The following RBFOX1 variants were observed in gnomAD, a reference collection of about 807,000 sequenced individuals.
RBFOX1 encodes RNA binding fox-1 homolog 1, also known as RNA binding protein fox-1 homolog 1.
A neutral mutation model predicts 57.7 loss-of-function variants in RBFOX1; 8 were observed. The ratio of observed to expected loss-of-function variants is 0.14; its 90% CI spans 0.08 to 0.25. The LOEUF (loss-of-function observed/expected upper bound fraction) is 0.25, where lower values mean the gene tolerates loss of function less well. Among genes scored for constraint, RBFOX1 ranks in the 10% least tolerant of loss-of-function variants. The pLI, the probability that RBFOX1 is intolerant of heterozygous loss-of-function variation, is 1.00. For missense variants in RBFOX1, 611 were observed against 548.5 expected (o/e 1.11, Z -1.14); for synonymous variants, 326 against 222.4 (o/e 1.47, Z -4.15).
chr16:7,269,015 C>G (rs563366250), intron 4 of RBFOX1, among the ~76,000 whole-genome samples: 2 of 118,448 alleles, frequency 1.7e-5, no homozygotes, highest in Non-Finnish European at 3.2e-5. Context: ...CCAGCTTGGG[C>G]GACAGAGTGA....
At chr16:6,818,652 T>A (rs1228968783) in intron 3 of RBFOX1, among the ~76,000 whole-genome samples, 1 of 152,126 alleles carries the variant, frequency 6.6e-6, no homozygotes, top group Admixed American at 6.5e-5. Context: ...TATTATTCAT[T>A]TTTCCCCCCT....
chr16:7,219,009 A>G (rs555149542), intron 4 of RBFOX1, among the ~76,000 whole-genome samples: 96 of 152,212 alleles, frequency 6.3e-4, no homozygotes, highest in Non-Finnish European at 1.2e-3. Flanking sequence ...TGGTCACAAG[A>G]GAAGAAGAGG....
At chr16:7,034,172 C>A (rs566270491) in intron 3 of RBFOX1, among the ~76,000 whole-genome samples, 2 of 152,224 alleles carry the variant, frequency 1.3e-5, no homozygotes, top group South Asian at 4.2e-4. Flanking sequence ...TTCAAATAGC[C>A]TGGGTTTGAC....
intron 4 of RBFOX1, among the ~76,000 whole-genome samples, chr16:7,078,035 A>G (rs1310163004): frequency 2.0e-5 from 3 of 152,200 alleles, no homozygotes; most frequent in Admixed American, 6.5e-5. Flanking sequence ...CTGCTAAGAC[A>G]GACAAACACC....
intron 4 of RBFOX1, among the ~76,000 whole-genome samples, chr16:7,056,631 G>C (rs114747035): frequency 0.018 from 2,699 of 152,244 alleles, 77 homozygotes; most frequent in African/African-American, 0.061. Context: ...TACCAGTTGA[G>C]GGAGATTGTA....
intron 3 of RBFOX1, among the ~76,000 whole-genome samples, chr16:6,923,741 A>G (rs745579210): frequency 6.6e-6 from 1 of 152,116 alleles, no homozygotes; most frequent in African/African-American, 2.4e-5. Context: ...GTGGTCAGGA[A>G]CACAGATATC....
chr16:7,647,838 G>A (rs2064059362), intron 11 of RBFOX1, among the ~76,000 whole-genome samples: 1 of 152,160 alleles, frequency 6.6e-6, no homozygotes, highest in Non-Finnish European at 1.5e-5. Context: ...TCTGGATCCA[G>A]ACATCTAAAC....
chr16:5,471,689 G>T (rs1017233628), intron 2 of RBFOX1, among the ~76,000 whole-genome samples: 1 of 152,180 alleles, frequency 6.6e-6, no homozygotes, highest in African/African-American at 2.4e-5. Flanking sequence ...TAAAGCACTC[G>T]TGGGACCTCG....
intron 3 of RBFOX1, among the ~76,000 whole-genome samples, chr16:6,690,953 C>G (rs971011267): frequency 6.6e-6 from 1 of 152,002 alleles, no homozygotes; most frequent in Non-Finnish European, 1.5e-5. Flanking sequence ...ATGAGGTTGG[C>G]TGGGCATCAT....
At chr16:6,667,765 T>C (rs532515594) in intron 3 of RBFOX1, among the ~76,000 whole-genome samples, 8 of 152,068 alleles carry the variant, frequency 5.3e-5, no homozygotes, top group Non-Finnish European at 1.0e-4. Context: ...GGTGCGTGCC[T>C]GTAGTCCCAG....
chr16:6,028,628 C>T lies in RBFOX1; in HGVS notation c.-127+8636C>T, dbSNP rs116211814. Among the ~76,000 whole-genome samples, 988 of 151,690 alleles carry T rather than the reference C, an allele frequency of 6.5e-3. 11 individuals carry two copies. Among genetic ancestry groups the T allele is most frequent in the African/African-American group, 0.022 (909 of 41,366 alleles). ...TCTGGGAGTTTAAGGCTGCTATGAG[C>T]TGTAATTGTGCCACTGCACTCCATC... On this transcript the variant is annotated intron_variant, in intron 1 of 15. Transcript: ENST00000550418.
intron 3 of RBFOX1, among the ~76,000 whole-genome samples, chr16:5,614,315 C>T (rs944482445): frequency 1.8e-4 from 27 of 152,142 alleles, no homozygotes; most frequent in South Asian, 6.2e-4. Context: ...CTGGGGACTA[C>T]GCAGGAGGGC....
intron 1 of RBFOX1, among the ~76,000 whole-genome samples, chr16:6,074,096 C>T (rs1286358129): frequency 6.6e-6 from 1 of 152,044 alleles, no homozygotes; most frequent in African/African-American, 2.4e-5. Context: ...CTATAGGCGC[C>T]CGCCACCACG....
chr16:5,431,813 C>T (rs1226308909), intron 1 of RBFOX1, among the ~76,000 whole-genome samples: 2 of 152,240 alleles, frequency 1.3e-5, no homozygotes, highest in Non-Finnish European at 2.9e-5. Flanking sequence ...TCCCTCACAA[C>T]ACCCAGTGCT....
At chr16:7,590,339 G>T (rs1339845596) in intron 7 of RBFOX1, among the ~76,000 whole-genome samples, 1 of 151,562 alleles carries the variant, frequency 6.6e-6, no homozygotes, top group African/African-American at 2.4e-5. Flanking sequence ...TATTATTTTG[G>T]AAATGTATAT....
At chr16:5,311,987 C>T (rs767933864) in intron 1 of RBFOX1, among the ~76,000 whole-genome samples, 1 of 152,190 alleles carries the variant, frequency 6.6e-6, no homozygotes, top group African/African-American at 2.4e-5. Context: ...GAGCAAAGGC[C>T]ATGTTCTATT....
chr16:5,560,229 C>G (rs779253073), intron 2 of RBFOX1, among the ~76,000 whole-genome samples: 13 of 150,918 alleles, frequency 8.6e-5, no homozygotes, highest in Non-Finnish European at 1.5e-4. Flanking sequence ...ATTCTCAGCT[C>G]ATATGTCACT....
At chr16:6,677,226 T>A (rs974218601) in intron 3 of RBFOX1, among the ~76,000 whole-genome samples, 1 of 152,118 alleles carries the variant, frequency 6.6e-6, no homozygotes. Flanking sequence ...AGAATACAGG[T>A]TTTCCGTGCT....
At position 7,579,698 on chromosome 16, in the gene RBFOX1, C is replaced by G. The variant is rs2093607209; in HGVS notation, c.271-79C>G. The G allele has an allele frequency of 1.9e-6, 3 of 1,551,666 alleles. No individual in the cohort carries two copies. The South Asian group carries it at 3.4e-5, about 18-fold the overall frequency. ...GCTTAGTTCTGATCTTTTCCTGCCA[C>G]TCATGGCAAGCAAAAGAGCATCGGA... On this transcript the variant is annotated intron_variant, in intron 5 of 15. Coordinates refer to ENST00000550418, the MANE Select transcript of RBFOX1 (RefSeq NM_018723.4).
Sources: allele counts gnomAD v4.1 joint callset (sites outside exome capture counted in the v4.1 genomes callset), GRCh38; gene constraint gnomAD v4.1.1; transcripts MANE v1.5; gene names NCBI Gene and HGNC (gene_info 2026-07-23, HGNC 2026-07-21).